Variants in HHLA2 observed in about 807,000 individuals in gnomAD.
HHLA2 encodes the protein HERV-H LTR-associating protein 2.
In HHLA2, 48 loss-of-function variants were observed where a neutral mutation model predicts 45.9. The ratio of observed to expected loss-of-function variants is 1.05; its 90% CI spans 0.83 to 1.33. HHLA2 has a LOEUF of 1.33. Ranked by LOEUF, HHLA2 falls within the 40% of genes most tolerant of loss-of-function variation. The pLI, the probability that HHLA2 is intolerant of heterozygous loss-of-function variation, is 0.00. For missense variants in HHLA2, 462 were observed against 494.3 expected, an observed-to-expected ratio of 0.93 and a Z score of 0.62; for synonymous variants, 161 against 173.9, an observed-to-expected ratio of 0.93 and a Z score of 0.59.
At chr3:108,297,900 C>T (rs903755006) in intron 1 of HHLA2, among the ~76,000 whole-genome samples, 1 of 152,144 alleles carries the variant, frequency 6.6e-6, no homozygotes, top group Non-Finnish European at 1.5e-5. Flanking sequence ...TCACGTAGTA[C>T]AGCATTAAAC....
chr3:108,368,535 C>CAAAAAAAAAAA lies in HHLA2; in HGVS notation c.1108+6114_1108+6124dup. On this transcript the variant is annotated intron_variant, in intron 8 of 10. Coordinates refer to ENST00000619531, the Ensembl canonical transcript of HHLA2. ...GAATATTTACCAAGCAAACGAAGAG[C>CAAAAAAAAAAA]AAAAAAAAAAAAAAAAAAAAAAAAA... Among the ~76,000 whole-genome samples the CAAAAAAAAAAA allele has an allele frequency of 1.2e-3, 8 of 6,624 alleles. 2 individuals carry two copies. The highest frequency in any genetic ancestry group is 0.023 in the East Asian group (2 of 88). 4.3% of individuals were successfully genotyped at this position (6,624 alleles called of 152,430 possible).
chr3:108,303,572 A>G (rs1005038509), intron 1 of HHLA2, among the ~76,000 whole-genome samples: 2 of 152,166 alleles, frequency 1.3e-5, no homozygotes, highest in African/African-American at 4.8e-5. Flanking sequence ...TATAAAACAT[A>G]TAATTATTTT....
exon 7 of HHLA2, chr3:108,357,885 T>C (rs2081922383): frequency 1.2e-6 from 2 of 1,613,706 alleles, no homozygotes; most frequent in East Asian, 4.5e-5. Flanking sequence ...TTCACTCTCA[T>C]GTCAACCTGT....
At chr3:108,319,579 A>G (rs896327834) in intron 2 of HHLA2, among the ~76,000 whole-genome samples, 1 of 152,182 alleles carries the variant, frequency 6.6e-6, no homozygotes, top group African/African-American at 2.4e-5. Flanking sequence ...GTTCTTGCAA[A>G]ACTTGGTGAT....
At chr3:108,373,562 G>A (rs1209907849) in intron 8 of HHLA2, among the ~76,000 whole-genome samples, 4 of 152,154 alleles carry the variant, frequency 2.6e-5, no homozygotes, top group South Asian at 2.1e-4. Context: ...ATGACATGAC[G>A]GTATATCTAG....
chr3:108,349,338 A>G (rs2081733373), intron 3 of HHLA2, among the ~76,000 whole-genome samples: 1 of 152,218 alleles, frequency 6.6e-6, no homozygotes, highest in Non-Finnish European at 1.5e-5. Flanking sequence ...CAGAAATACA[A>G]ACTACCATCA....
chr3:108,304,357 C>T (rs1445215647), intron 1 of HHLA2, among the ~76,000 whole-genome samples: 4 of 152,256 alleles, frequency 2.6e-5, no homozygotes, highest in African/African-American at 9.6e-5. Context: ...TTGGCAGGCC[C>T]ACACTTCTGA....
At chr3:108,347,426 A>G (rs1295838431) in intron 3 of HHLA2, among the ~76,000 whole-genome samples, 3 of 152,104 alleles carry the variant, frequency 2.0e-5, no homozygotes, top group East Asian at 3.9e-4. Flanking sequence ...GTCTCCAGGA[A>G]TGTATTTTGT....
At chr3:108,324,757 C>A (rs536105808) in intron 2 of HHLA2, among the ~76,000 whole-genome samples, 1 of 152,172 alleles carries the variant, frequency 6.6e-6, no homozygotes, top group African/African-American at 2.4e-5. Context: ...TGACTTACTC[C>A]GTGCTTTCTA....
exon 11 of HHLA2, chr3:108,377,707 CAG>C (rs1225611790): frequency 4.4e-5 from 7 of 158,518 alleles, no homozygotes; most frequent in Non-Finnish European, 9.7e-5. Context: ...GGTTAAAAAC[CAG>C]AGCCTGGAAA....
chr3:108,363,447 C>G (rs893770902), intron 8 of HHLA2, among the ~76,000 whole-genome samples: 1 of 152,094 alleles, frequency 6.6e-6, no homozygotes, highest in Non-Finnish European at 1.5e-5. Flanking sequence ...TTTTATCTGT[C>G]CTTCTGGTTG....
At chr3:108,301,986 T>C (rs1434058351) in intron 1 of HHLA2, among the ~76,000 whole-genome samples, 3 of 152,202 alleles carry the variant, frequency 2.0e-5, no homozygotes, top group African/African-American at 7.2e-5. Context: ...AGTGGGTTGA[T>C]ATTCTCATTT....
At chr3:108,363,333 T>C (rs931234016) in intron 8 of HHLA2, among the ~76,000 whole-genome samples, 13 of 152,140 alleles carry the variant, frequency 8.5e-5, no homozygotes, top group African/African-American at 3.1e-4. Flanking sequence ...CCAAGCCAGC[T>C]AATGGTAGAG....
At chr3:108,344,055 C>G (rs2081620471) in intron 3 of HHLA2, among the ~76,000 whole-genome samples, 1 of 152,098 alleles carries the variant, frequency 6.6e-6, no homozygotes, top group Admixed American at 6.6e-5. Context: ...TAGTTAAAAA[C>G]TAGTTAGTCT....
intron 1 of HHLA2, among the ~76,000 whole-genome samples, chr3:108,296,894 T>C (rs2080769951): frequency 6.6e-6 from 1 of 152,246 alleles, no homozygotes; most frequent in South Asian, 2.1e-4. Context: ...GAGCAATGTT[T>C]GTTTTGAAAA....
chr3:108,303,020 G>GCAACAAA (rs1341075984), intron 1 of HHLA2, among the ~76,000 whole-genome samples: 3 of 151,946 alleles, frequency 2.0e-5, no homozygotes, highest in Non-Finnish European at 4.4e-5. Context: ...TGCTTGTTTA[G>GCAACAAA]GCAAAAAAGT....
chr3:108,331,803 A>C (rs1001256759), intron 3 of HHLA2, among the ~76,000 whole-genome samples: 11 of 152,174 alleles, frequency 7.2e-5, no homozygotes, highest in Non-Finnish European at 1.6e-4. Context: ...TCTCTGAGCT[A>C]GAATAGTCCA....
chr3:108,313,614 GC>G (rs1224801577), intron 2 of HHLA2, among the ~76,000 whole-genome samples: 2 of 152,158 alleles, frequency 1.3e-5, no homozygotes, highest in Non-Finnish European at 2.9e-5. Context: ...GCCACTGACT[GC>G]CCCTGTAGCT....
exon 11 of HHLA2, chr3:108,377,836 T>C (rs1179584055): frequency 1.3e-5 from 2 of 152,320 alleles, no homozygotes; most frequent in East Asian, 3.8e-4. Flanking sequence ...ACAGTATCTT[T>C]AAGATTGCTA....
Sources: allele counts gnomAD v4.1 joint callset (sites outside exome capture counted in the v4.1 genomes callset), GRCh38; gene constraint gnomAD v4.1.1; transcripts MANE v1.5; gene names NCBI Gene and HGNC (gene_info 2026-07-23, HGNC 2026-07-21).